SPRED2: variants seen among roughly 807,000 people sequenced by gnomAD.
The protein encoded by SPRED2 is sprouty related EVH1 domain containing 2, also known as sprouty-related, EVH1 domain-containing protein 2.
A neutral mutation model predicts 43.0 loss-of-function variants in SPRED2; 47 were observed. The ratio of observed to expected loss-of-function variants is 1.09; its 90% confidence interval spans 0.87 to 1.40. SPRED2 has a LOEUF of 1.40. SPRED2 is among the 40% of genes most tolerant of loss of function. The pLI is 0.00. For missense variants in SPRED2, 561 were observed against 586.4 expected (o/e 0.96, Z 0.45); for synonymous variants, 225 against 225.7 (o/e 1.00, Z 0.03).
chr2:65,401,937 GCA>G (rs1553426622), intron 1 of SPRED2, among the ~76,000 whole-genome samples: 3,861 of 114,668 alleles, frequency 0.034, 132 homozygotes, highest in East Asian at 0.12. Context: ...GCGCGCGCGC[GCA>G]CACACACACA....
Position 65,349,966 on chromosome 2 carries a change from T to C in SPRED2, c.27-5070A>G, listed in dbSNP as rs965340622. 4.6e-5 allele frequency among the ~76,000 whole-genome samples: 7 copies of C among 152,242 alleles called. No homozygotes were observed. The East Asian group carries it at 1.2e-3, about 25-fold the overall frequency. On this transcript the variant is annotated intron_variant, in intron 1 of 5. Transcript: ENST00000356388. ...GGCTATTTAAAACAAGGCAGGGGGA[T>C]AAAGTGCTGGACTAAAAGCTGCAAA...
At chr2:65,384,211 G>A (rs146609584) in intron 1 of SPRED2, among the ~76,000 whole-genome samples, 1 of 152,154 alleles carries the variant, frequency 6.6e-6, no homozygotes, top group Non-Finnish European at 1.5e-5. Context: ...GTCTATCCCA[G>A]CGTGGTGTTA....
chr2:65,410,564 C>T (rs1018547798), intron 1 of SPRED2, among the ~76,000 whole-genome samples: 1 of 152,110 alleles, frequency 6.6e-6, no homozygotes, highest in Non-Finnish European at 1.5e-5. Flanking sequence ...TCGAGACCAT[C>T]CTGGCTAACA....
intron 1 of SPRED2, among the ~76,000 whole-genome samples, chr2:65,367,427 T>C (rs941420236): frequency 6.6e-6 from 1 of 152,208 alleles, no homozygotes; most frequent in Non-Finnish European, 1.5e-5. Flanking sequence ...TTTCTCTTTT[T>C]TGAAGTATCT....
At chr2:65,368,683 T>C (rs543467834) in intron 1 of SPRED2, among the ~76,000 whole-genome samples, 1 of 152,350 alleles carries the variant, frequency 6.6e-6, no homozygotes, top group East Asian at 1.9e-4. Flanking sequence ...GAGTCCTTCA[T>C]ACTGTTCTTG....
chr2:65,371,170 C>T (rs897434608), intron 1 of SPRED2, among the ~76,000 whole-genome samples: 3 of 150,902 alleles, frequency 2.0e-5, no homozygotes, highest in Non-Finnish European at 4.4e-5. Context: ...GACATATCCC[C>T]GCATCCAATC....
chr2:65,319,022 C>A (rs542036193), intron 4 of SPRED2, among the ~76,000 whole-genome samples: 4 of 152,184 alleles, frequency 2.6e-5, no homozygotes, highest in African/African-American at 9.7e-5. Flanking sequence ...AATAGACTTA[C>A]AAAAGTTCTT....
In SPRED2 at chr2:65,311,628, C is replaced by G. The variant is rs1319143993; in HGVS notation, c.*1873G>C. ...TGGCTGAAGGTTTTCTAGATGTTCT[C>G]CAGGCATGGATGAGGTTCTCTTTTC... On this transcript the variant is annotated 3_prime_UTR_variant, in exon 6 of 6. Transcript: ENST00000356388. The G allele has an allele frequency of 2.0e-6, 2 of 985,698 alleles. No individual in the cohort carries two copies. The highest frequency in any genetic ancestry group is 2.4e-6 in the Non-Finnish European group (2 of 829,950). The allele number at this position is 985,698 out of a possible 1,614,324, so 61.1% of individuals were successfully genotyped here.
chr2:65,363,131 T>C lies in SPRED2; in HGVS notation c.27-18235A>G, dbSNP rs544604933. ...GGCACATGCCTGTAATCCCAGCTAC[T>C]CGGAGGCTGAGGCAGGAGAATCACT... On this transcript the variant is annotated intron_variant, in intron 1 of 5. Coordinates refer to ENST00000356388, the MANE Select transcript of SPRED2 (RefSeq NM_181784.3). Among the ~76,000 whole-genome samples, 3 of 144,722 alleles carry C rather than the reference T, an allele frequency of 2.1e-5. No individual in the cohort carries two copies. The East Asian group carries it at 6.2e-4, about 30-fold the overall frequency. 94.9% of individuals were successfully genotyped at this position (144,722 alleles called of 152,430 possible). A position where few individuals can be genotyped will look rare whatever the true frequency, so the allele number is the denominator to read the frequency against.
intron 2 of SPRED2, among the ~76,000 whole-genome samples, chr2:65,339,089 A>T (rs1306429209): frequency 3.3e-5 from 2 of 61,208 alleles, no homozygotes; most frequent in African/African-American, 8.7e-5. Flanking sequence ...TCCGTCCGGG[A>T]GGGAGGTTGG....
At chr2:65,395,103 G>C (rs1027351880) in intron 1 of SPRED2, among the ~76,000 whole-genome samples, 3 of 152,116 alleles carry the variant, frequency 2.0e-5, no homozygotes, top group African/African-American at 7.2e-5. Flanking sequence ...CCCACTGACT[G>C]TTCATCCCCG....
At chr2:65,323,076 C>T (rs904624275) in intron 4 of SPRED2, among the ~76,000 whole-genome samples, 1 of 152,182 alleles carries the variant, frequency 6.6e-6, no homozygotes. Context: ...CTCACCGCAA[C>T]CTCCGCCTCC....
intron 1 of SPRED2, among the ~76,000 whole-genome samples, chr2:65,399,230 T>C (rs1442118810): frequency 6.7e-6 from 1 of 148,314 alleles, no homozygotes; most frequent in Non-Finnish European, 1.5e-5. Flanking sequence ...GATCACGCCA[T>C]TGCACTCCAG....
At chr2:65,353,227 T>C (rs1244991268) in intron 1 of SPRED2, among the ~76,000 whole-genome samples, 6 of 152,220 alleles carry the variant, frequency 3.9e-5, no homozygotes, top group Non-Finnish European at 5.9e-5. Flanking sequence ...ACTGCTGTCC[T>C]GCAAGGTCAC....
rs1345806203 is a variant in SPRED2, at chr2:65,338,695, A to G, written c.205-3922T>C. On this transcript the variant is annotated intron_variant, in intron 2 of 5. Coordinates refer to ENST00000356388, the MANE Select transcript of SPRED2 (RefSeq NM_181784.3). ...TGCCTTGGCCCCCCAAAGTGCGGAG[A>G]TTGCAGCCTCTGCCCGGCCGCCACC... is the stretch of plus-strand genomic sequence containing the variant. Among the ~76,000 whole-genome samples, 494 of 151,632 alleles carry G rather than the reference A, an allele frequency of 3.3e-3. 1 individual carries two copies. Among genetic ancestry groups the G allele is most frequent in the African/African-American group, 0.011 (457 of 41,352 alleles).
intron 1 of SPRED2, among the ~76,000 whole-genome samples, chr2:65,399,296 T>C (rs1262136875): frequency 6.7e-6 from 1 of 148,498 alleles, no homozygotes; most frequent in Non-Finnish European, 1.5e-5. Flanking sequence ...TGTATATATA[T>C]ACACCATGGA....
At chr2:65,353,628 G>A (rs1674570133) in intron 1 of SPRED2, among the ~76,000 whole-genome samples, 1 of 151,954 alleles carries the variant, frequency 6.6e-6, no homozygotes, top group Non-Finnish European at 1.5e-5. Flanking sequence ...AGCAATTTTG[G>A]TTCGAAATAT....
chr2:65,351,460 C>T (rs1180521111), intron 1 of SPRED2, among the ~76,000 whole-genome samples: 1 of 152,096 alleles, frequency 6.6e-6, no homozygotes, highest in Non-Finnish European at 1.5e-5. Flanking sequence ...GATTCACTTC[C>T]TCCCAGCCTC....
chr2:65,316,734 C>T lies in SPRED2; in HGVS notation c.588G>A (p.Gln196=), dbSNP rs1390744086. 1 of 1,608,458 alleles carries T rather than the reference C, an allele frequency of 6.2e-7. No homozygotes were observed. The highest frequency in any genetic ancestry group is 8.5e-7 in the Non-Finnish European group (1 of 1,177,900). The change falls in exon 5 of 6, where the codon CAG becomes CAA. Residue 196 remains glutamine (Q), a splice_region_variant and synonymous_variant. Coordinates refer to ENST00000356388, the MANE Select transcript of SPRED2 (RefSeq NM_181784.3). ...TCAGAGGAACAGGGCTGCTGCTCACCTGATCGAGGTGATAGTGGTCTGTGG... is the reference window on the plus strand; with the variant it reads ...TCAGAGGAACAGGGCTGCTGCTCACTTGATCGAGGTGATAGTGGTCTGTGG... ...SYPTDHYHLD[Q]PMPRPYRQVS... is the part of the protein sequence containing the mutation.
Sources: gnomAD v4.1 joint callset for allele counts (sites outside exome capture counted in the v4.1 genomes callset) on GRCh38, gnomAD v4.1.1 for gene constraint, MANE v1.5 for transcripts, NCBI Gene and HGNC (gene_info 2026-07-23, HGNC 2026-07-21) for gene names.